The following PLD4 variants were observed in gnomAD, a reference collection of about 807,000 sequenced individuals.
PLD4 encodes phospholipase D family member 4.
A neutral mutation model predicts 52.3 loss-of-function variants in PLD4; 54 were observed. The ratio of observed to expected loss-of-function variants is 1.03; its 90% CI spans 0.83 to 1.30. The LOEUF is 1.30. PLD4 is among the 50% of genes most tolerant of loss of function. PLD4 has a pLI of 0.00. For synonymous variants in PLD4, 264 were observed against 286.5 expected (o/e 0.92, Z 0.79); for missense variants, 731 against 671.1 (o/e 1.09, Z -0.99).
At position 104,930,008 on chromosome 14, in the gene PLD4, G is replaced by A. The variant is rs778484699; in HGVS notation, c.620G>A (p.Arg207Gln). The A allele has an allele frequency of 2.7e-5, 44 of 1,613,478 alleles. No individual in the cohort carries two copies. The highest frequency in any genetic ancestry group is 8.0e-5 in the African/African-American group (6 of 74,930). Reference sequence around the variant, plus strand: ...CATGTACGACAGGTGCCCATGGGGCGGCTCACCAGGGGTGTTTTGCACTCC... The same window carrying A: ...CATGTACGACAGGTGCCCATGGGGCAGCTCACCAGGGGTGTTTTGCACTCC... Reference protein sequence around the residue: ...GAHVRQVPMGRLTRGVLHSKF... With the variant: ...GAHVRQVPMGQLTRGVLHSKF... The change falls in exon 6 of 11, where the codon CGG becomes CAG. Residue 207 changes from arginine (R) to glutamine (Q), a missense_variant. By Grantham distance (43) the Arg-to-Gln change is conservative. Coordinates refer to ENST00000392593, the MANE Select transcript of PLD4 (RefSeq NM_138790.5).
At chr14:104,934,053 A>C (rs1397434758), downstream of PLD4, 1 of 18,088 alleles carries the variant, frequency 5.5e-5, no homozygotes, top group Non-Finnish European at 1.1e-4. Context: ...GGGGACGGGG[A>C]GGGCGGGAGG....
Position 104,933,151 on chromosome 14 carries a change from G to T in PLD4, c.*187G>T. On this transcript the variant is annotated 3_prime_UTR_variant, in exon 11 of 11. Coordinates refer to ENST00000392593, the MANE Select transcript of PLD4 (RefSeq NM_138790.5). ...GATTTCCGAGTCCAGCCCCCCCTGA[G>T]CCCCACCTCCTCCAGGGAGCCCTCC... The T allele has an allele frequency of 1.6e-6, 1 of 632,398 alleles. No individual in the cohort carries two copies. The highest frequency in any genetic ancestry group is 2.6e-6 in the Non-Finnish European group (1 of 390,432). The allele number at this position is 632,398 out of a possible 1,614,324, so 39.2% of individuals were successfully genotyped here.
In PLD4 at chr14:104,928,736, G is replaced by A; in HGVS notation, c.285-13G>A. The A allele has an allele frequency of 6.4e-7, 1 of 1,558,900 alleles. No individual in the cohort carries two copies. The highest frequency in any genetic ancestry group is 8.7e-7 in the Non-Finnish European group (1 of 1,146,820). ...CCGCACCCATACTGAGCCCAGTGTG[G>A]CTCTCCCCACAGGCTTGTCCTTGTG... On this transcript the variant is annotated splice_polypyrimidine_tract_variant and intron_variant, in intron 3 of 10. Coordinates refer to ENST00000392593, the MANE Select transcript of PLD4 (RefSeq NM_138790.5).
chr14:104,926,389 G>A (rs1897456759), intron 1 of PLD4, among the ~76,000 whole-genome samples: 1 of 152,268 alleles, frequency 6.6e-6, no homozygotes, highest in South Asian at 2.1e-4. Context: ...GGTAGGAGTG[G>A]GGATGGGAGC....
In PLD4 at chr14:104,932,654, A is replaced by AG. The variant is rs1897695598; in HGVS notation, c.1322-107dup. On this transcript the variant is annotated intron_variant, in intron 10 of 10. Transcript: ENST00000392593. This position sits in a 1 kb window ranked among gnomAD's most constrained non-coding sequence, Gnocchi z 6.5. Reference sequence around the variant, plus strand: ...CCCGGCTGGAGTCTGATGACAGTGGAGGGGCCAGCTGCCAACCGTCCCCAA... The same window carrying AG: ...CCCGGCTGGAGTCTGATGACAGTGGAGGGGGCCAGCTGCCAACCGTCCCCAA... 8.8e-7 allele frequency: 1 copy of AG among 1,137,408 alleles called. No homozygotes were observed. The highest frequency in any genetic ancestry group is 1.2e-6 in the Non-Finnish European group (1 of 815,392). 70.5% of individuals were successfully genotyped at this position (1,137,408 alleles called of 1,614,324 possible).
intron 4 of PLD4, 114 bp from the exon 5 acceptor site, chr14:104,929,193 C>T (rs1238065634): frequency 6.8e-7 from 1 of 1,479,100 alleles, no homozygotes; most frequent in Non-Finnish European, 9.1e-7. Context: ...CTTGACCTGA[C>T]CTTGAGCTGT....
At chr14:104,929,907 G>C in intron 5 of PLD4, 71 bp from the exon 6 acceptor site, 1 of 1,560,218 alleles carries the variant, frequency 6.4e-7, no homozygotes, top group East Asian at 2.2e-5. Context: ...TCAAGAGCTT[G>C]GGGTCAGGCT....
At chr14:104,928,693 G>A in intron 3 of PLD4, 56 bp from the exon 4 acceptor site, 3 of 1,486,620 alleles carry the variant, frequency 2.0e-6, no homozygotes, top group Non-Finnish European at 2.7e-6. Flanking sequence ...CAGGTGATGT[G>A]AGGTGGGCTG....
Position 104,933,174 on chromosome 14 carries a change from T to A in PLD4, c.*210T>A. On this transcript the variant is annotated 3_prime_UTR_variant, in exon 11 of 11. Coordinates refer to ENST00000392593, the MANE Select transcript of PLD4 (RefSeq NM_138790.5). ...GAGCCCCACCTCCTCCAGGGAGCCC[T>A]CCAGGAAGCCCCTTCCCTGACTCCT... The A allele has an allele frequency of 1.8e-6, 1 of 554,684 alleles. No individual in the cohort carries two copies. Among genetic ancestry groups the A allele is most frequent in the Non-Finnish European group, 3.1e-6 (1 of 327,250 alleles). The allele number at this position is 554,684 out of a possible 1,614,324, so 34.4% of individuals were successfully genotyped here. A position where few individuals can be genotyped will look rare whatever the true frequency, so the allele number is the denominator to read the frequency against.
In PLD4 at chr14:104,927,222, G is replaced by T. The variant is rs752693878; in HGVS notation, c.82G>T (p.Ala28Ser). The T allele has an allele frequency of 6.5e-7, 1 of 1,548,358 alleles. No individual in the cohort carries two copies. The highest frequency in any genetic ancestry group is 1.2e-5 in the South Asian group (1 of 83,742). ...MPPRRPWDRE[A>S]GTLQVLGALA... ...GCCCCGCCGCCCGTGGGACAGAGAG[G>T]CTGGCACGGTAGGACTGGGGGGCCC... Residue 28 changes from alanine (A) to serine (S), a missense_variant, in exon 2 of 11, where the codon GCT (alanine) becomes TCT (serine). Coordinates refer to ENST00000392593, the MANE Select transcript of PLD4 (RefSeq NM_138790.5).
intron 3 of PLD4, 138 bp downstream of exon 3, chr14:104,928,004 GC>G: frequency 9.9e-7 from 1 of 1,010,458 alleles, no homozygotes; most frequent in Non-Finnish European, 1.4e-6. Flanking sequence ...ACCAGGGAGG[GC>G]CACGACCATA....
At chr14:104,931,361 G>C (rs1159853165) in intron 7 of PLD4, among the ~76,000 whole-genome samples, 1 of 152,126 alleles carries the variant, frequency 6.6e-6, no homozygotes, top group Non-Finnish European at 1.5e-5. Context: ...ATCAGCCCAC[G>C]GGGGTGGGGG....
rs1897688729 is a variant in PLD4, at chr14:104,932,470, G to A, written c.1321+115G>A. On this transcript the variant is annotated intron_variant, in intron 10 of 10. Transcript: ENST00000392593. This position sits in a 1 kb window ranked among gnomAD's most constrained non-coding sequence, Gnocchi z 6.5. Reference sequence around the variant, plus strand: ...CAGGAGGGAGGGGCTGCTGCTGAAGGGGGACGGGGTCTCCATGGAGTTCCG... The same window carrying A: ...CAGGAGGGAGGGGCTGCTGCTGAAGAGGGACGGGGTCTCCATGGAGTTCCG... The A allele has an allele frequency of 1.7e-6, 2 of 1,193,206 alleles. No homozygotes were observed. The highest frequency in any genetic ancestry group is 2.4e-6 in the Non-Finnish European group (2 of 840,422). The allele number at this position is 1,193,206 out of a possible 1,614,324, so 73.9% of individuals were successfully genotyped here. A position where few individuals can be genotyped will look rare whatever the true frequency, so the allele number is the denominator to read the frequency against.
At chr14:104,928,712 C>T (rs370789592) in intron 3 of PLD4, 37 bp from the exon 4 acceptor site, 33 of 1,516,406 alleles carry the variant, frequency 2.2e-5, no homozygotes, top group African/African-American at 1.7e-4. Flanking sequence ...TGGGGGCTCC[C>T]GCACCCATAC....
At chr14:104,934,843 C>T (rs74603289), downstream of PLD4, 6,091 of 152,322 alleles carry the variant, frequency 0.04, 495 homozygotes, top group East Asian at 0.32. Flanking sequence ...CTTCCCCCAT[C>T]TAAAGGACAC....
rs1442780931 is a variant in PLD4, at chr14:104,927,316, G to A, written c.90+86G>A. 2.5e-6 allele frequency: 3 copies of A among 1,180,622 alleles called. No individual in the cohort carries two copies. The Admixed American group carries it at 8.3e-5, about 33-fold the overall frequency. The allele number at this position is 1,180,622 out of a possible 1,614,324, so 73.1% of individuals were successfully genotyped here. On this transcript the variant is annotated intron_variant, in intron 2 of 10. Coordinates refer to ENST00000392593, the MANE Select transcript of PLD4 (RefSeq NM_138790.5). Reference sequence around the variant, plus strand: ...AGCCAGAGTGGAGAGGTCACAAGCAGCCTTGAGGGGGCCTCCAAGCAGAGG... The same window carrying A: ...AGCCAGAGTGGAGAGGTCACAAGCAACCTTGAGGGGGCCTCCAAGCAGAGG...
chr14:104,934,586 C>G (rs1286484118), downstream of PLD4: 2 of 152,200 alleles, frequency 1.3e-5, no homozygotes, highest in South Asian at 2.1e-4. Context: ...TATGAAGGAG[C>G]ACTGGATGCT....
At chr14:104,927,439 C>A (rs1897493526) in intron 2 of PLD4, among the ~76,000 whole-genome samples, 1 of 152,176 alleles carries the variant, frequency 6.6e-6, no homozygotes, top group Admixed American at 6.5e-5. Flanking sequence ...TTACCACGAG[C>A]CACAGCATTG....
At chr14:104,927,046 G>A (rs1897478550) in intron 1 of PLD4, 95 bp from the exon 2 acceptor site, 1 of 1,219,454 alleles carries the variant, frequency 8.2e-7, no homozygotes. Flanking sequence ...GTGGGTGTCT[G>A]TGCAGGGGTG....
Sources: gnomAD v4.1 joint callset for allele counts (sites outside exome capture counted in the v4.1 genomes callset) on GRCh38, gnomAD v4.1.1 for gene constraint, Gnocchi (gnomAD v3.1) non-coding constraint, MANE v1.5 for transcripts, NCBI Gene and HGNC (gene_info 2026-07-23, HGNC 2026-07-21) for gene names.